Variants in VPS13B observed in about 807,000 individuals in gnomAD.
VPS13B encodes the protein intermembrane lipid transfer protein VPS13B.
In VPS13B, 285 loss-of-function variants were observed where a neutral mutation model predicts 426.4. The observed-to-expected ratio is 0.67, with a 90% CI of 0.61 to 0.74. The LOEUF (loss-of-function observed/expected upper bound fraction) is 0.74. Among genes scored for constraint, VPS13B ranks in the 30% least tolerant of loss-of-function variants. The pLI is 0.00. For synonymous variants in VPS13B, 1,676 were observed against 1,676.4 expected, an observed-to-expected ratio of 1.00 and a Z score of 0.01; for missense variants, 4,537 against 4,782.6, an observed-to-expected ratio of 0.95 and a Z score of 1.51.
chr8:99,014,488 A>T (rs1587913756), intron 2 of VPS13B, among the ~76,000 whole-genome samples: 1 of 152,036 alleles, frequency 6.6e-6, no homozygotes, highest in East Asian at 1.9e-4. Context: ...AGTTGCTTTG[A>T]CAGAAAGACG....
chr8:99,159,516 G>T (rs114097380), intron 15 of VPS13B, among the ~76,000 whole-genome samples: 1,554 of 152,226 alleles, frequency 0.01, 28 homozygotes, highest in African/African-American at 0.035. Context: ...CTTCATTGTT[G>T]TCTTATTTTT....
intron 2 of VPS13B, among the ~76,000 whole-genome samples, chr8:99,024,028 G>GT (rs1246570036): frequency 6.6e-6 from 1 of 152,180 alleles, no homozygotes; most frequent in African/African-American, 2.4e-5. Flanking sequence ...CCAAAAGTGT[G>GT]TAAGTGTTCT....
rs184583556 is a variant in VPS13B, at chr8:99,839,226, C to T, written c.9942+3488C>T. 5.5e-3 allele frequency among the ~76,000 whole-genome samples: 845 copies of T among 152,266 alleles called. 3 individuals are homozygous for T. Among genetic ancestry groups the T allele is most frequent in the Non-Finnish European group, 6.8e-3 (463 of 68,020 alleles). Reference sequence around the variant, plus strand: ...TTGACTCTTAGCAGACATTCGTAGTCGGGTCAGTGTCACTGCTGTTTCTTC... The same window carrying T: ...TTGACTCTTAGCAGACATTCGTAGTTGGGTCAGTGTCACTGCTGTTTCTTC... On this transcript the variant is annotated intron_variant, in intron 54 of 61. Transcript: ENST00000357162.
At chr8:99,544,329 G>T (rs1823823088) in intron 30 of VPS13B, among the ~76,000 whole-genome samples, 1 of 152,120 alleles carries the variant, frequency 6.6e-6, no homozygotes, top group Non-Finnish European at 1.5e-5. Flanking sequence ...GGGGGTCAGG[G>T]GGAGGGATAG....
chr8:99,442,736 C>A, intron 23 of VPS13B, 101 bp downstream of exon 23: 1 of 1,239,456 alleles, frequency 8.1e-7, no homozygotes, highest in Non-Finnish European at 1.1e-6. Flanking sequence ...AATCAGTCTT[C>A]TCATTGAAAG....
chr8:99,616,757 C>T (rs1019725675), intron 33 of VPS13B, among the ~76,000 whole-genome samples: 8 of 152,220 alleles, frequency 5.3e-5, no homozygotes, highest in Middle Eastern at 3.4e-3. Context: ...CCCGGGAGGC[C>T]GAAGTTGCGG....
At chr8:99,575,520 A>T in intron 31 of VPS13B, 138 bp from the exon 32 acceptor site, 2 of 1,014,288 alleles carry the variant, frequency 2.0e-6, no homozygotes, top group Non-Finnish European at 1.5e-6. Context: ...GATGACTGTA[A>T]AATATGCAAA....
chr8:99,666,748 C>T (rs1172879500), intron 35 of VPS13B, among the ~76,000 whole-genome samples: 1 of 152,090 alleles, frequency 6.6e-6, no homozygotes, highest in African/African-American at 2.4e-5. Flanking sequence ...AAAACGGACA[C>T]AAGACACGGA....
chr8:99,193,454 G>T (rs973962873), intron 17 of VPS13B, among the ~76,000 whole-genome samples: 2 of 151,784 alleles, frequency 1.3e-5, no homozygotes, highest in East Asian at 3.9e-4. Flanking sequence ...AACAATTTTT[G>T]TGTGTGTGTG....
rs538910069 is a variant in VPS13B, at chr8:99,537,707, G to A, written c.4745+16697G>A. Among the ~76,000 whole-genome samples, 6 of 152,324 alleles carry A rather than the reference G, an allele frequency of 3.9e-5. 1 individual carries two copies. The South Asian group carries it at 1.2e-3, about 32-fold the overall frequency. Reference sequence around the variant, plus strand: ...AGAGTGTTTCCTGCCAGTAGAATTAGAGGAAGGAAGCACCAGGCCAAAATG... The same window carrying A: ...AGAGTGTTTCCTGCCAGTAGAATTAAAGGAAGGAAGCACCAGGCCAAAATG... On this transcript the variant is annotated intron_variant, in intron 30 of 61. Coordinates refer to ENST00000357162, the MANE Select transcript of VPS13B (RefSeq NM_152564.5).
At chr8:99,626,084 A>G (rs1828601925) in intron 33 of VPS13B, among the ~76,000 whole-genome samples, 1 of 152,258 alleles carries the variant, frequency 6.6e-6, no homozygotes, top group Non-Finnish European at 1.5e-5. Flanking sequence ...AAGAAAACAT[A>G]GGAGTAATTT....
intron 31 of VPS13B, among the ~76,000 whole-genome samples, chr8:99,573,326 G>C (rs1424483326): frequency 3.9e-5 from 6 of 152,076 alleles, no homozygotes; most frequent in Non-Finnish European, 7.4e-5. Context: ...TGTCAATTTT[G>C]GCTTTTGTTG....
chr8:99,077,084 A>T (rs928510949), intron 3 of VPS13B, among the ~76,000 whole-genome samples: 1 of 151,842 alleles, frequency 6.6e-6, no homozygotes, highest in African/African-American at 2.4e-5. Context: ...TCACTTCTAG[A>T]TGTAGGACTC....
chr8:99,137,835 A>G (rs1406306907), intron 12 of VPS13B, among the ~76,000 whole-genome samples: 1 of 152,202 alleles, frequency 6.6e-6, no homozygotes, highest in Non-Finnish European at 1.5e-5. Context: ...TATCCAATGC[A>G]TACTTGACGT....
rs866060433 is a variant in VPS13B at position 99,170,257 on chromosome 8, T to G, written c.2333+94T>G. The stretch of plus-strand genomic sequence containing the variant: ...TGTATCTGTCTTATGCCCATGCTAG[T>G]TTTATACAAAACTTTAGAAAAAAAA... On this transcript the variant is annotated intron_variant, in intron 16 of 61. Transcript: ENST00000357162. 3.5e-5 allele frequency: 51 copies of G among 1,462,730 alleles called. 2 individuals are homozygous for G. The Middle Eastern group carries it at 4.7e-3, about 135-fold the overall frequency. 90.6% of individuals were successfully genotyped at this position (1,462,730 alleles called of 1,614,324 possible).
chr8:99,724,455 G>C (rs1021168392), intron 39 of VPS13B, among the ~76,000 whole-genome samples: 3 of 152,132 alleles, frequency 2.0e-5, no homozygotes, highest in African/African-American at 7.2e-5. Context: ...AATCAACCTA[G>C]TGTATATTAT....
intron 8 of VPS13B, among the ~76,000 whole-genome samples, chr8:99,128,680 A>G (rs1809580954): frequency 6.9e-6 from 1 of 144,868 alleles, no homozygotes. Flanking sequence ...TAAACTTTTG[A>G]AATAGTGGTA....
At chr8:99,847,849 A>G (rs1379949028) in intron 54 of VPS13B, among the ~76,000 whole-genome samples, 1 of 152,214 alleles carries the variant, frequency 6.6e-6, no homozygotes, top group East Asian at 1.9e-4. Flanking sequence ...GAATATATTC[A>G]TTGTTGGTCA....
Position 99,848,871 on chromosome 8 carries a change from A to T in VPS13B, c.10038A>T (p.Gly3346=). 1 of 1,614,126 alleles carries T rather than the reference A, an allele frequency of 6.2e-7. No homozygotes were observed. The highest frequency in any genetic ancestry group is 8.5e-7 in the Non-Finnish European group (1 of 1,179,970). ...CTGTGGCCCCAGAAGGAAAAGCAGG[A>T]CCTATTTTAACCAATACCAACAGGT... ...FITVAPEGKA[G]PILTNTNRAP... Residue 3346 remains glycine (G), a synonymous_variant, in exon 55 of 62, where the codon GGA becomes GGT. Coordinates refer to ENST00000357162, the MANE Select transcript of VPS13B (RefSeq NM_152564.5).
Sources: gnomAD v4.1 joint callset for allele counts (sites outside exome capture counted in the v4.1 genomes callset) on GRCh38, gnomAD v4.1.1 for gene constraint, MANE v1.5 for transcripts, NCBI Gene and HGNC (gene_info 2026-07-23, HGNC 2026-07-21) for gene names.